Variants in KCNIP4 observed in about 807,000 individuals in gnomAD.
KCNIP4 encodes Kv channel-interacting protein 4.
A neutral mutation model predicts 34.0 loss-of-function variants in KCNIP4; 12 were observed. That is an observed-to-expected ratio of 0.35 (90% confidence interval 0.23 to 0.57). KCNIP4 has a LOEUF of 0.57. KCNIP4 is among the 20% of genes least tolerant of loss of function. The pLI is 0.83. For missense variants in KCNIP4, 238 were observed against 311.7 expected, an observed-to-expected ratio of 0.76 and a Z score of 1.78; for synonymous variants, 124 against 102.2, an observed-to-expected ratio of 1.21 and a Z score of -1.29.
At chr4:21,808,582 G>C (rs1721438183) in intron 1 of KCNIP4, among the ~76,000 whole-genome samples, 1 of 152,136 alleles carries the variant, frequency 6.6e-6, no homozygotes, top group Non-Finnish European at 1.5e-5. Flanking sequence ...TAGTAGTTAA[G>C]TTTTGAGGGG....
Position 21,003,337 on chromosome 4 carries a change from G to A in KCNIP4, c.62-120628C>T, listed in dbSNP as rs563700182. ...AAAACAACACAATCCATAAGGTGGGGCTAAGCAGACCTCATTTCTGTGAAC... is the reference window on the plus strand; with the variant it reads ...AAAACAACACAATCCATAAGGTGGGACTAAGCAGACCTCATTTCTGTGAAC... On this transcript the variant is annotated intron_variant, in intron 1 of 8. Coordinates refer to ENST00000382152, the MANE Select transcript of KCNIP4 (RefSeq NM_025221.6). Among the ~76,000 whole-genome samples, 4 of 152,322 alleles carry A rather than the reference G, an allele frequency of 2.6e-5. No individual in the cohort carries two copies. In the East Asian group the frequency reaches 7.7e-4, roughly 29 times the overall value.
At chr4:20,876,545 A>G (rs1431875651) in intron 2 of KCNIP4, among the ~76,000 whole-genome samples, 1 of 152,126 alleles carries the variant, frequency 6.6e-6, no homozygotes, top group Non-Finnish European at 1.5e-5. Flanking sequence ...GTCAGCCTCC[A>G]AGATGCCACG....
At chr4:21,026,503 A>G (rs1740571051) in intron 1 of KCNIP4, among the ~76,000 whole-genome samples, 1 of 151,982 alleles carries the variant, frequency 6.6e-6, no homozygotes, top group South Asian at 2.1e-4. Flanking sequence ...AAAATATAAA[A>G]ATTAGCCAGG....
At chr4:21,033,480 T>C (rs1697765340) in intron 1 of KCNIP4, among the ~76,000 whole-genome samples, 1 of 152,230 alleles carries the variant, frequency 6.6e-6, no homozygotes, top group Admixed American at 6.5e-5. Flanking sequence ...TCCATCGGTC[T>C]ATTGCATCTT....
At chr4:21,093,452 G>C (rs1425054986) in intron 1 of KCNIP4, among the ~76,000 whole-genome samples, 1 of 152,138 alleles carries the variant, frequency 6.6e-6, no homozygotes, top group Non-Finnish European at 1.5e-5. Flanking sequence ...CTTTAACACT[G>C]TGCCCCAGGA....
chr4:21,308,711 A>AAAGT (rs1553857779), intron 1 of KCNIP4, among the ~76,000 whole-genome samples: 1 of 149,874 alleles, frequency 6.7e-6, no homozygotes, highest in East Asian at 2.0e-4. Flanking sequence ...CTGCCGTGTG[A>AAAGT]GTGTGTGTGT....
At chr4:20,732,255 T>A (rs973603386) in intron 7 of KCNIP4, among the ~76,000 whole-genome samples, 187 bp from the exon 8 acceptor site, 3 of 152,198 alleles carry the variant, frequency 2.0e-5, no homozygotes, top group Admixed American at 1.3e-4. Flanking sequence ...TGCTTCTGGC[T>A]TTTCCCTTTT....
chr4:21,689,538 G>A (rs1179910985), intron 1 of KCNIP4, among the ~76,000 whole-genome samples: 1 of 152,068 alleles, frequency 6.6e-6, no homozygotes, highest in Non-Finnish European at 1.5e-5. Context: ...GATGGCTGGG[G>A]GTTGAGCAGA....
intron 1 of KCNIP4, among the ~76,000 whole-genome samples, chr4:21,307,050 G>A (rs1010724948): frequency 3.3e-5 from 5 of 152,024 alleles, no homozygotes; most frequent in African/African-American, 7.2e-5. Context: ...TTGAACTCCC[G>A]ACATCAGGTG....
chr4:21,340,175 T>C (rs1267958167), intron 1 of KCNIP4, among the ~76,000 whole-genome samples: 1 of 152,106 alleles, frequency 6.6e-6, no homozygotes, highest in East Asian at 1.9e-4. Flanking sequence ...TGAAAAAAAT[T>C]TGGGGTCCAT....
At chr4:21,077,118 T>A (rs1360091762) in intron 1 of KCNIP4, among the ~76,000 whole-genome samples, 2 of 151,946 alleles carry the variant, frequency 1.3e-5, no homozygotes, top group African/African-American at 4.8e-5. Context: ...AGAATGAGAC[T>A]CTGTCTCAAA....
intron 1 of KCNIP4, among the ~76,000 whole-genome samples, chr4:21,443,792 G>A (rs912174584): frequency 6.6e-6 from 1 of 152,080 alleles, no homozygotes; most frequent in Non-Finnish European, 1.5e-5. Context: ...GATTAGCTGG[G>A]CATAGTCATT....
Position 21,304,008 on chromosome 4 carries a change from G to T in KCNIP4, c.62-421299C>A, listed in dbSNP as rs1712058230. 16 of 1,289,572 alleles carry T rather than the reference G, an allele frequency of 1.2e-5. No homozygotes were observed. In the South Asian group the frequency reaches 1.8e-4, roughly 14 times the overall value. 79.9% of individuals were successfully genotyped at this position (1,289,572 alleles called of 1,614,324 possible). ...CTACATTAAGAAGGCTACTGCTGGA[G>T]AAAGGGGAGGAGGAGAGCGTATGAG... On this transcript the variant is annotated intron_variant, in intron 1 of 8. Transcript: ENST00000382152.
At position 20,758,941 on chromosome 4, in the gene KCNIP4, A is replaced by AT. The variant is rs761196778; in HGVS notation, c.289-52dup. On this transcript the variant is annotated intron_variant, in intron 3 of 8. Coordinates refer to ENST00000382152, the MANE Select transcript of KCNIP4 (RefSeq NM_025221.6). Reference sequence around the variant, plus strand: ...ATGAGCAAAGTGTTCATAAAACTGAATTTTTTTTGCACATTTTGAAACAGA... The same window carrying AT: ...ATGAGCAAAGTGTTCATAAAACTGAATTTTTTTTTGCACATTTTGAAACAGA... The AT allele has an allele frequency of 2.1e-4, 315 of 1,477,508 alleles. 3 individuals are homozygous for AT. Among genetic ancestry groups the AT allele is most frequent in the South Asian group, 1.9e-3 (166 of 86,710 alleles). 91.5% of individuals were successfully genotyped at this position (1,477,508 alleles called of 1,614,324 possible).
intron 1 of KCNIP4, among the ~76,000 whole-genome samples, chr4:21,291,861 AAAAAAAAAAGAAAGAAAGAAAGAAAG>A (rs1763493780): frequency 8.4e-6 from 1 of 118,944 alleles, no homozygotes; most frequent in South Asian, 2.9e-4. Flanking sequence ...CTCAAAAAAA[AAAAAAAAAAGAAAGAAAGAAAGAAAG>A]AAAGAAAGAA....
At chr4:20,806,151 A>C (rs912594510) in intron 3 of KCNIP4, among the ~76,000 whole-genome samples, 5 of 152,026 alleles carry the variant, frequency 3.3e-5, no homozygotes, top group African/African-American at 1.2e-4. Context: ...CTTTTTAAAA[A>C]TGAGTTTCTT....
In KCNIP4 at chr4:20,996,757, C is replaced by T. The variant is rs183567705; in HGVS notation, c.62-114048G>A. 1.7e-3 allele frequency among the ~76,000 whole-genome samples: 224 copies of T among 128,774 alleles called. 3 individuals are homozygous for T. Among genetic ancestry groups the T allele is most frequent in the Admixed American group, 0.014 (164 of 11,928 alleles). The allele number at this position is 128,774 out of a possible 152,430, so 84.5% of individuals were successfully genotyped here. On this transcript the variant is annotated intron_variant, in intron 1 of 8. Coordinates refer to ENST00000382152, the MANE Select transcript of KCNIP4 (RefSeq NM_025221.6). ...TTCTCCGTAGCACTCACCAACCTCC[C>T]TGAACTTCTTTTTTTTAAATGCCTC...
In KCNIP4 at chr4:20,866,872, G is replaced by A. The variant is rs28864676; in HGVS notation, c.163+15736C>T. The stretch of plus-strand genomic sequence containing the variant: ...ATTTCTACACACCAACAACGTCCAG[G>A]CTGAAAGTGAAATCGAGAACACAGT... On this transcript the variant is annotated intron_variant, in intron 2 of 8. Coordinates refer to ENST00000382152, the MANE Select transcript of KCNIP4 (RefSeq NM_025221.6). 7.0e-3 allele frequency among the ~76,000 whole-genome samples: 1,061 copies of A among 152,054 alleles called. 12 individuals are homozygous for A. Among genetic ancestry groups the A allele is most frequent in the African/African-American group, 0.024 (1,011 of 41,508 alleles).
At chr4:21,823,424 C>A (rs1197724463) in intron 1 of KCNIP4, among the ~76,000 whole-genome samples, 3 of 151,062 alleles carry the variant, frequency 2.0e-5, no homozygotes, top group East Asian at 3.9e-4. Context: ...AAAATAAATT[C>A]TAAAATTTCA....
Sources: gnomAD v4.1 joint callset for allele counts (sites outside exome capture counted in the v4.1 genomes callset) on GRCh38, gnomAD v4.1.1 for gene constraint, MANE v1.5 for transcripts, NCBI Gene and HGNC (gene_info 2026-07-23, HGNC 2026-07-21) for gene names.